The following EPB41L4B variants were observed in gnomAD, a reference collection of about 807,000 sequenced individuals.
EPB41L4B encodes erythrocyte membrane protein band 4.1 like 4B.
EPB41L4B carries 30 observed loss-of-function variants against 112.5 expected under a neutral mutation model. The observed-to-expected ratio is 0.27, with a 90% CI of 0.20 to 0.36. The LOEUF (loss-of-function observed/expected upper bound fraction) is 0.36, where lower values mean the gene tolerates loss of function less well. Among genes scored for constraint, EPB41L4B ranks in the 10% least tolerant of loss-of-function variants. EPB41L4B has a pLI of 1.00. For synonymous variants in EPB41L4B, 408 were observed against 439.7 expected (o/e 0.93, Z 0.90); for missense variants, 1,024 against 1,133.3 (o/e 0.90, Z 1.38).
chr9:109,200,930 C>T lies in EPB41L4B; in HGVS notation c.1947-596G>A, dbSNP rs1832802965. Among the ~76,000 whole-genome samples, 3 of 152,040 alleles carry T rather than the reference C, an allele frequency of 2.0e-5. No individual in the cohort carries two copies. The South Asian group carries it at 6.2e-4, about 32-fold the overall frequency. ...TTTATCTTTACTCAAGAATTTATTT[C>T]AGGTAACCAATGGACCCTACTCAAA... On this transcript the variant is annotated intron_variant, in intron 19 of 25. Coordinates refer to ENST00000374566, the MANE Select transcript of EPB41L4B (RefSeq NM_019114.5).
At chr9:109,222,903 T>G (rs79069368) in intron 15 of EPB41L4B, among the ~76,000 whole-genome samples, 1,689 of 152,330 alleles carry the variant, frequency 0.011, 28 homozygotes, top group African/African-American at 0.039. Context: ...GAACTGACCC[T>G]GATCTCATTT....
intron 13 of EPB41L4B, among the ~76,000 whole-genome samples, chr9:109,249,008 G>A (rs895548630): frequency 4.7e-5 from 7 of 150,230 alleles, no homozygotes; most frequent in Non-Finnish European, 1.0e-4. Context: ...GCAGTGAGCC[G>A]AGACTGCGCC....
chr9:109,245,111 G>A (rs1834503470), intron 14 of EPB41L4B, among the ~76,000 whole-genome samples: 1 of 152,216 alleles, frequency 6.6e-6, no homozygotes, highest in Non-Finnish European at 1.5e-5. Context: ...CAGGGCTTTA[G>A]CATCTCCCTG....
Position 109,301,507 on chromosome 9 carries a change from G to A in EPB41L4B, c.306+18634C>T, listed in dbSNP as rs188536811. ...AAAGTTCCTGGGAGTCCCCTTCCTC[G>A]TCAATCCCTGAGCTTCCCTACCCCC... On this transcript the variant is annotated intron_variant, in intron 1 of 25. Coordinates refer to ENST00000374566, the MANE Select transcript of EPB41L4B (RefSeq NM_019114.5). Among the ~76,000 whole-genome samples the A allele has an allele frequency of 9.9e-5, 15 of 152,084 alleles. No individual in the cohort carries two copies. In the East Asian group the frequency reaches 1.4e-3, roughly 14 times the overall value.
intron 6 of EPB41L4B, among the ~76,000 whole-genome samples, chr9:109,261,810 T>A (rs1447370650): frequency 6.6e-6 from 1 of 151,834 alleles, no homozygotes; most frequent in Non-Finnish European, 1.5e-5. Flanking sequence ...AATTTTATAA[T>A]TTGAAAAAAC....
intron 15 of EPB41L4B, chr9:109,241,312 GC>G: frequency 9.7e-6 from 10 of 1,031,514 alleles, no homozygotes; most frequent in Non-Finnish European, 1.2e-5. Flanking sequence ...TATATGCTGA[GC>G]AATCTTCCCA....
At chr9:109,259,289 G>A (rs1199697255) in intron 6 of EPB41L4B, among the ~76,000 whole-genome samples, 3 of 152,168 alleles carry the variant, frequency 2.0e-5, no homozygotes, top group African/African-American at 7.2e-5. Context: ...TCGAATTTGG[G>A]TGCGCATCAG....
rs556140415 is a variant in EPB41L4B, at chr9:109,174,217, T to A, written c.*337A>T. ...ATCATACAAAATCAAATGGTTGAAA[T>A]TGATAGTAAAAGATCCTACATCATA... On this transcript the variant is annotated 3_prime_UTR_variant, in exon 26 of 26. Coordinates refer to ENST00000374566, the MANE Select transcript of EPB41L4B (RefSeq NM_019114.5). 438 of 188,016 alleles carry A rather than the reference T, an allele frequency of 2.3e-3. 1 individual carries two copies. Among genetic ancestry groups the A allele is most frequent in the Non-Finnish European group, 3.8e-3 (346 of 90,272 alleles). 11.6% of individuals were successfully genotyped at this position (188,016 alleles called of 1,614,324 possible).
chr9:109,180,809 C>G (rs1832025975), intron 24 of EPB41L4B, among the ~76,000 whole-genome samples: 1 of 152,152 alleles, frequency 6.6e-6, no homozygotes, highest in Admixed American at 6.5e-5. Context: ...ATTGCAAGCT[C>G]TGGTTCCCGG....
At chr9:109,179,277 G>A (rs1038712220) in intron 24 of EPB41L4B, among the ~76,000 whole-genome samples, 2 of 152,220 alleles carry the variant, frequency 1.3e-5, no homozygotes, top group African/African-American at 4.8e-5. Context: ...TAGATCGACT[G>A]CCAGACCAAC....
chr9:109,265,336 G>T (rs1013224116), intron 4 of EPB41L4B, among the ~76,000 whole-genome samples: 2 of 152,348 alleles, frequency 1.3e-5, no homozygotes, highest in East Asian at 3.9e-4. Context: ...AGCCGAACGT[G>T]GCACATGGGC....
At chr9:109,241,567 C>G in intron 15 of EPB41L4B, 1 of 1,563,430 alleles carries the variant, frequency 6.4e-7, no homozygotes, top group Non-Finnish European at 8.6e-7. Flanking sequence ...CTTAAAGACA[C>G]TCGTCCAAAC....
At chr9:109,176,310 G>T (rs1337278185) in intron 25 of EPB41L4B, among the ~76,000 whole-genome samples, 1 of 151,994 alleles carries the variant, frequency 6.6e-6, no homozygotes, top group African/African-American at 2.4e-5. Context: ...GTAGAGATGG[G>T]GTTTCACCAT....
intron 6 of EPB41L4B, among the ~76,000 whole-genome samples, chr9:109,260,223 C>T (rs1291718260): frequency 6.6e-6 from 1 of 151,946 alleles, no homozygotes; most frequent in East Asian, 1.9e-4. Context: ...GTATGCGCCA[C>T]CATACCTGGC....
intron 15 of EPB41L4B, among the ~76,000 whole-genome samples, chr9:109,227,606 G>A (rs531605804): frequency 2.7e-5 from 4 of 149,948 alleles, no homozygotes; most frequent in Non-Finnish European, 4.4e-5. Context: ...TTTTTGAGAC[G>A]GAGTCTTGCT....
At chr9:109,229,995 G>C (rs1425683697) in intron 15 of EPB41L4B, among the ~76,000 whole-genome samples, 3 of 152,198 alleles carry the variant, frequency 2.0e-5, no homozygotes, top group Non-Finnish European at 4.4e-5. Flanking sequence ...GACTCAAGTA[G>C]TGTGTTTTTA....
chr9:109,227,314 G>A (rs1336531126), intron 15 of EPB41L4B, among the ~76,000 whole-genome samples: 1 of 150,846 alleles, frequency 6.6e-6, no homozygotes, highest in Admixed American at 6.6e-5. Flanking sequence ...TTCCTTTTGT[G>A]ATAGTAACTT....
intron 1 of EPB41L4B, among the ~76,000 whole-genome samples, chr9:109,295,194 G>A (rs1414067468): frequency 2.0e-5 from 3 of 152,090 alleles, no homozygotes; most frequent in Non-Finnish European, 1.5e-5. Context: ...CCTGGACTTT[G>A]TGCCTAACTT....
chr9:109,306,884 A>G (rs1837222789), intron 1 of EPB41L4B, among the ~76,000 whole-genome samples: 1 of 152,228 alleles, frequency 6.6e-6, no homozygotes, highest in Non-Finnish European at 1.5e-5. Context: ...GGGGCCACCA[A>G]GGCAAAGTCA....
Sources: allele counts gnomAD v4.1 joint callset (sites outside exome capture counted in the v4.1 genomes callset), GRCh38; gene constraint gnomAD v4.1.1; transcripts MANE v1.5; gene names NCBI Gene and HGNC (gene_info 2026-07-23, HGNC 2026-07-21).